The following PLXDC2 variants were observed in gnomAD, a reference collection of about 807,000 sequenced individuals.
PLXDC2 encodes plexin domain-containing protein 2.
Under a neutral mutation model 68.9 loss-of-function variants are expected in PLXDC2, and 40 were observed. The ratio of observed to expected loss-of-function variants is 0.58; its 90% confidence interval spans 0.45 to 0.76. The LOEUF is 0.76. Ranked by LOEUF, PLXDC2 falls within the 30% of genes least tolerant of loss-of-function variation. PLXDC2 has a pLI of 0.00. For synonymous variants in PLXDC2, 243 were observed against 234.2 expected, an observed-to-expected ratio of 1.04 and a Z score of -0.34; for missense variants, 644 against 661.9, an observed-to-expected ratio of 0.97 and a Z score of 0.30.
chr10:20,179,847 G>A (rs1834577686), intron 9 of PLXDC2, among the ~76,000 whole-genome samples: 1 of 152,012 alleles, frequency 6.6e-6, no homozygotes. Context: ...TTTAGGAGCT[G>A]AGCTACGTGT....
At chr10:20,029,265 G>C (rs1352335032) in intron 2 of PLXDC2, among the ~76,000 whole-genome samples, 1 of 152,220 alleles carries the variant, frequency 6.6e-6, no homozygotes, top group East Asian at 1.9e-4. Context: ...TTGAATATCT[G>C]TATCATCTTA....
intron 1 of PLXDC2, among the ~76,000 whole-genome samples, chr10:19,973,970 A>G (rs1257360147): frequency 6.6e-6 from 1 of 152,214 alleles, no homozygotes; most frequent in Non-Finnish European, 1.5e-5. Flanking sequence ...AGAGAGTTTT[A>G]TAGGTGAAAC....
At chr10:20,039,962 A>C (rs1835650828) in intron 2 of PLXDC2, among the ~76,000 whole-genome samples, 1 of 152,180 alleles carries the variant, frequency 6.6e-6, no homozygotes, top group African/African-American at 2.4e-5. Context: ...AATAAAAATA[A>C]AATTCTAAGC....
intron 4 of PLXDC2, among the ~76,000 whole-genome samples, chr10:20,108,315 C>T (rs1282612734): frequency 2.0e-5 from 3 of 152,212 alleles, no homozygotes; most frequent in Non-Finnish European, 4.4e-5. Flanking sequence ...TACCACATAC[C>T]AATTTTCCTT....
At chr10:19,879,506 C>G (rs1196814852) in intron 1 of PLXDC2, among the ~76,000 whole-genome samples, 3 of 152,096 alleles carry the variant, frequency 2.0e-5, no homozygotes, top group African/African-American at 2.4e-5. Flanking sequence ...GTACTAGACA[C>G]TTTGCCAAGT....
intron 13 of PLXDC2, among the ~76,000 whole-genome samples, chr10:20,262,159 C>T (rs1222601232): frequency 6.6e-6 from 1 of 152,170 alleles, no homozygotes; most frequent in African/African-American, 2.4e-5. Context: ...CTCCCCAACC[C>T]AGGGAAAGCA....
chr10:20,082,070 A>AAAAAAAAAAAAAACAAAAAC lies in PLXDC2; in HGVS notation c.541+13837_541+13838insAAAAAAACAAAAACAAAAAA, dbSNP rs1554765383. Among the ~76,000 whole-genome samples the AAAAAAAAAAAAAACAAAAAC allele has an allele frequency of 3.5e-4, 43 of 121,908 alleles. 2 individuals carry two copies. Among genetic ancestry groups the AAAAAAAAAAAAAACAAAAAC allele is most frequent in the Admixed American group, 6.1e-4 (6 of 9,886 alleles). 80.0% of individuals were successfully genotyped at this position (121,908 alleles called of 152,430 possible). On this transcript the variant is annotated intron_variant, in intron 4 of 13. Coordinates refer to ENST00000377252, the MANE Select transcript of PLXDC2 (RefSeq NM_032812.9). ...GAAAAAAAAAAAAAAAAATCAAAAA[A>AAAAAAAAAAAAAACAAAAAC]AAAAAACAGGAGAAGTCTGAGAAAC...
intron 2 of PLXDC2, among the ~76,000 whole-genome samples, chr10:20,041,679 C>T (rs1050679042): frequency 6.6e-6 from 1 of 151,956 alleles, no homozygotes; most frequent in Non-Finnish European, 1.5e-5. Flanking sequence ...CTTGAGATGC[C>T]TTAACCAAAG....
At chr10:19,929,220 G>GA (rs1242273779) in intron 1 of PLXDC2, among the ~76,000 whole-genome samples, 53 of 147,888 alleles carry the variant, frequency 3.6e-4, no homozygotes, top group South Asian at 2.8e-3. Context: ...TCTACTAAAA[G>GA]AAAAAAAAAA....
rs951925533 is a variant in PLXDC2 at position 20,287,353 on chromosome 10, A to T, written c.*7534A>T. The T allele has an allele frequency of 6.6e-6, 1 of 152,184 alleles. No homozygotes were observed. The highest frequency in any genetic ancestry group is 1.5e-5 in the Non-Finnish European group (1 of 68,042). 9.4% of individuals were successfully genotyped at this position (152,184 alleles called of 1,614,324 possible). On this transcript the variant is annotated 3_prime_UTR_variant, in exon 14 of 14. Coordinates refer to ENST00000377252, the MANE Select transcript of PLXDC2 (RefSeq NM_032812.9). ...AAAGGCATGAAAATAAGGCAAAAAA[A>T]TCAATAAAATAATTTTCCTGAGGAA...
intron 4 of PLXDC2, among the ~76,000 whole-genome samples, chr10:20,118,833 G>A (rs556499961): frequency 8.6e-4 from 130 of 151,958 alleles, no homozygotes; most frequent in African/African-American, 2.9e-3. Flanking sequence ...CCATTTTGAA[G>A]GCAGGGAACT....
At chr10:20,067,361 T>G (rs1836228794) in intron 3 of PLXDC2, among the ~76,000 whole-genome samples, 1 of 152,102 alleles carries the variant, frequency 6.6e-6, no homozygotes, top group African/African-American at 2.4e-5. Flanking sequence ...ATGCTAAATT[T>G]GGAGAGCTGA....
chr10:19,857,304 C>T (rs1278570772), intron 1 of PLXDC2, among the ~76,000 whole-genome samples: 1 of 152,138 alleles, frequency 6.6e-6, no homozygotes, highest in Admixed American at 6.5e-5. Context: ...TGGCCTAGAA[C>T]TAAATCCTCT....
chr10:20,024,999 T>G (rs1039130811), intron 2 of PLXDC2, among the ~76,000 whole-genome samples: 1 of 152,170 alleles, frequency 6.6e-6, no homozygotes, highest in Admixed American at 6.5e-5. Flanking sequence ...TCTGTGTCTT[T>G]GCTATTGTGA....
intron 1 of PLXDC2, among the ~76,000 whole-genome samples, chr10:19,821,340 C>T (rs921906833): frequency 1.3e-5 from 2 of 152,148 alleles, no homozygotes; most frequent in Non-Finnish European, 2.9e-5. Context: ...CGTCTCCATC[C>T]ATCCATTTTC....
At chr10:20,109,178 C>G (rs891749335) in intron 4 of PLXDC2, among the ~76,000 whole-genome samples, 7 of 152,256 alleles carry the variant, frequency 4.6e-5, no homozygotes, top group African/African-American at 1.7e-4. Context: ...TACATTTTCC[C>G]AAAATTTTGC....
intron 4 of PLXDC2, among the ~76,000 whole-genome samples, chr10:20,138,439 C>T (rs910342991): frequency 4.6e-5 from 7 of 152,166 alleles, no homozygotes; most frequent in African/African-American, 9.7e-5. Context: ...TAAGGCTGGA[C>T]ACATAATGAC....
chr10:20,099,269 A>G (rs1833391444), intron 4 of PLXDC2, among the ~76,000 whole-genome samples: 1 of 152,156 alleles, frequency 6.6e-6, no homozygotes, highest in Non-Finnish European at 1.5e-5. Flanking sequence ...TATCACTGTT[A>G]ACATTTTGTA....
intron 1 of PLXDC2, among the ~76,000 whole-genome samples, chr10:19,951,619 A>T (rs542150105): frequency 1.3e-5 from 2 of 152,214 alleles, no homozygotes; most frequent in Admixed American, 1.3e-4. Context: ...AAACAGAACT[A>T]TCATTCTACC....
Sources: allele counts gnomAD v4.1 joint callset (sites outside exome capture counted in the v4.1 genomes callset), GRCh38; gene constraint gnomAD v4.1.1; transcripts MANE v1.5; gene names NCBI Gene and HGNC (gene_info 2026-07-23, HGNC 2026-07-21).